EIF3D: variants seen among roughly 807,000 people sequenced by gnomAD.
EIF3D encodes eukaryotic translation initiation factor 3 subunit D.
EIF3D carries 10 observed loss-of-function variants against 75.4 expected under a neutral mutation model. That is an observed-to-expected ratio of 0.13 (90% CI 0.08 to 0.22). The LOEUF (loss-of-function observed/expected upper bound fraction) is 0.22, where lower values mean the gene tolerates loss of function less well. Among genes scored for constraint, EIF3D ranks in the 10% least tolerant of loss-of-function variants. The pLI, the probability that EIF3D is intolerant of heterozygous loss-of-function variation, is 1.00. For missense variants in EIF3D, 394 were observed against 708.0 expected, an observed-to-expected ratio of 0.56 and a Z score of 5.03; for synonymous variants, 246 against 248.3, an observed-to-expected ratio of 0.99 and a Z score of 0.09.
rs532350822 is a variant in EIF3D, at chr22:36,519,789, C to T, written c.579-252G>A. 7.2e-5 allele frequency among the ~76,000 whole-genome samples: 11 copies of T among 152,304 alleles called. No individual in the cohort carries two copies. In the South Asian group the frequency reaches 2.3e-3, roughly 32 times the overall value. On this transcript the variant is annotated intron_variant, in intron 7 of 14. Transcript: ENST00000216190. The stretch of plus-strand genomic sequence containing the variant: ...AAAGGTAGGGTGACCGAGGCTAAGA[C>T]AGGAGATGACTAGTTATAGAAGCAC...
rs752099544 is a variant in EIF3D, at chr22:36,511,531, TTCC to T, written c.1602_1604del (p.Glu547del). 2.6e-4 allele frequency: 416 copies of T among 1,613,902 alleles called. No individual in the cohort carries two copies. Among genetic ancestry groups the T allele is most frequent in the South Asian group, 3.2e-4 (29 of 91,048 alleles). On this transcript the variant is annotated inframe_deletion, in exon 14 of 15. Coordinates refer to ENST00000216190, the MANE Select transcript of EIF3D (RefSeq NM_003753.4). Reference sequence around the variant, plus strand: ...CTTCTTCCTCTTCTTCCTCCTCCTCTTCCTCCTCATCTTCATCAGAGCTGAAGG... The same window carrying T: ...CTTCTTCCTCTTCTTCCTCCTCCTCTTCCTCATCTTCATCAGAGCTGAAGG...
At chr22:36,512,764 T>C in intron 12 of EIF3D, 162 bp from the exon 13 acceptor site, 1 of 759,832 alleles carries the variant, frequency 1.3e-6, no homozygotes. Context: ...GTCCCTTCCC[T>C]TGCACAGCCT....
intron 6 of EIF3D, among the ~76,000 whole-genome samples, chr22:36,521,533 A>G (rs1488833763): frequency 6.6e-6 from 1 of 152,240 alleles, no homozygotes; most frequent in East Asian, 1.9e-4. Context: ...AATAATAGTC[A>G]AAAAGTGAAA....
At chr22:36,521,507 C>T (rs1421868375) in intron 6 of EIF3D, among the ~76,000 whole-genome samples, 2 of 152,166 alleles carry the variant, frequency 1.3e-5, no homozygotes, top group Non-Finnish European at 2.9e-5. Flanking sequence ...CGCAGGTGAA[C>T]GTTCACAGCA....
At chr22:36,524,825 T>C in intron 3 of EIF3D, 93 bp from the exon 4 acceptor site, 3 of 1,535,142 alleles carry the variant, frequency 2.0e-6, no homozygotes, top group Non-Finnish European at 2.7e-6. Flanking sequence ...AGTGTGGTCT[T>C]GAGACCTGTA....
At chr22:36,515,355 C>T (rs891021384) in intron 12 of EIF3D, among the ~76,000 whole-genome samples, 2 of 152,048 alleles carry the variant, frequency 1.3e-5, no homozygotes, top group Admixed American at 1.3e-4. Flanking sequence ...ATGGAGAAAC[C>T]CCATCTCTAC....
rs960524678 is a variant in EIF3D at position 36,512,690 on chromosome 22, G to C, written c.1207-88C>G. 9.6e-6 allele frequency: 14 copies of C among 1,464,008 alleles called. No individual in the cohort carries two copies. The African/African-American group carries it at 2.0e-4, about 21-fold the overall frequency. 90.7% of individuals were successfully genotyped at this position (1,464,008 alleles called of 1,614,324 possible). ...CCTCTGGCAGAGAAGGAACTCCCTAGTCTGCTTGCTTAGAAAGTGGGTAGG... is the reference window on the plus strand; with the variant it reads ...CCTCTGGCAGAGAAGGAACTCCCTACTCTGCTTGCTTAGAAAGTGGGTAGG... On this transcript the variant is annotated intron_variant, in intron 12 of 14. Coordinates refer to ENST00000216190, the MANE Select transcript of EIF3D (RefSeq NM_003753.4).
chr22:36,519,767 G>T (rs1221314060), intron 7 of EIF3D, among the ~76,000 whole-genome samples: 2 of 152,128 alleles, frequency 1.3e-5, no homozygotes, highest in East Asian at 3.8e-4. Context: ...CCATTTTAAA[G>T]GTAGGGTGAC....
chr22:36,523,325 G>A, intron 5 of EIF3D, 44 bp from the exon 6 acceptor site: 1 of 1,510,714 alleles, frequency 6.6e-7, no homozygotes, highest in Non-Finnish European at 9.1e-7. Flanking sequence ...CTTTAAACCA[G>A]TGGCTTCTTC....
chr22:36,512,874 C>G, intron 12 of EIF3D: 1 of 404,188 alleles, frequency 2.5e-6, no homozygotes, highest in Non-Finnish European at 4.6e-6. Flanking sequence ...CACACACACA[C>G]ACACACTTTA....
chr22:36,525,785 G>A lies in EIF3D; in HGVS notation c.124-76C>T, dbSNP rs146842617. 1.0e-4 allele frequency: 164 copies of A among 1,565,002 alleles called. 1 individual carries two copies. In the East Asian group the frequency reaches 2.3e-3, roughly 22 times the overall value. ...TCTGCAGAACCAGAAATCCCTGAGC[G>A]CGAGAGGACAGCGTGGAAGAGTCTC... On this transcript the variant is annotated intron_variant, in intron 2 of 14. Transcript: ENST00000216190.
intron 1 of EIF3D, among the ~76,000 whole-genome samples, chr22:36,527,765 C>A (rs1161353004): frequency 6.6e-6 from 1 of 152,118 alleles, no homozygotes; most frequent in Non-Finnish European, 1.5e-5. Flanking sequence ...CAAGATCCTG[C>A]CATTACACTC....
rs376609190 is a variant in EIF3D, at chr22:36,510,987, T to C, written c.1647A>G (p.Ter549=). 8 of 1,608,018 alleles carry C rather than the reference T, an allele frequency of 5.0e-6. No individual in the cohort carries two copies. In the African/African-American group the frequency reaches 1.1e-4, roughly 22 times the overall value. The part of the protein sequence containing the change: ...EEEEEEEEET[*] ...CAAACTCCAGCTCCACATCACTGGT[T>C]TAAGTTTCTTCCTCTGAAAGACACA... Residue 549 remains the stop codon, a stop_retained_variant, in exon 15 of 15, where the codon TAA becomes TAG. Transcript: ENST00000216190.
At chr22:36,527,518 G>T (rs189640325) in intron 1 of EIF3D, among the ~76,000 whole-genome samples, 1 of 152,166 alleles carries the variant, frequency 6.6e-6, no homozygotes, top group Non-Finnish European at 1.5e-5. Context: ...CTTAGAAGGC[G>T]AGTTCCTAGA....
chr22:36,512,407 C>T lies in EIF3D; in HGVS notation c.1349+53G>A, dbSNP rs137963320. 2.5e-6 allele frequency: 4 copies of T among 1,608,100 alleles called. No individual in the cohort carries two copies. In the African/African-American group the frequency reaches 5.3e-5, roughly 21 times the overall value. On this transcript the variant is annotated intron_variant, in intron 13 of 14. Transcript: ENST00000216190. Reference sequence around the variant, plus strand: ...GGGAGGGGAGGGTCAACCTCCCTACCCAGACCCTTCCTTTCACAAGATCAG... The same window carrying T: ...GGGAGGGGAGGGTCAACCTCCCTACTCAGACCCTTCCTTTCACAAGATCAG...
At chr22:36,526,313 A>T (rs1934598670) in intron 1 of EIF3D, among the ~76,000 whole-genome samples, 182 bp from the exon 2 acceptor site, 1 of 152,218 alleles carries the variant, frequency 6.6e-6, no homozygotes, top group African/African-American at 2.4e-5. Flanking sequence ...TATGTACTTA[A>T]AACTGAGAAG....
intron 8 of EIF3D, 64 bp from the exon 9 acceptor site, chr22:36,518,974 G>T (rs141363589): frequency 5.7e-6 from 9 of 1,587,870 alleles, no homozygotes; most frequent in Non-Finnish European, 7.7e-6. Context: ...CCACTCACAT[G>T]GATGGGAAAG....
In EIF3D at chr22:36,527,800, C is replaced by T. The variant is rs373665177; in HGVS notation, c.-11+1276G>A. ...CCAGCCTGGGCAACAGAGCAAGACT[C>T]CGTCTCAAAAAAACAAAAATCAAAT... On this transcript the variant is annotated intron_variant, in intron 1 of 14. Coordinates refer to ENST00000216190, the MANE Select transcript of EIF3D (RefSeq NM_003753.4). Among the ~76,000 whole-genome samples, 3 of 152,170 alleles carry T rather than the reference C, an allele frequency of 2.0e-5. No individual in the cohort carries two copies. In the East Asian group the frequency reaches 5.8e-4, roughly 29 times the overall value.
At position 36,518,908 on chromosome 22, in the gene EIF3D, C is replaced by T. The variant is rs753931843; in HGVS notation, c.714G>A (p.Leu238=). 1.2e-5 allele frequency: 19 copies of T among 1,613,896 alleles called. No homozygotes were observed. In the African/African-American group the frequency reaches 2.5e-4, roughly 22 times the overall value. The change falls in exon 9 of 15, where the codon CTG becomes CTA. Residue 238 remains leucine (L), a splice_region_variant and synonymous_variant. Transcript: ENST00000216190. The part of the protein sequence containing the change: ...TTTDDPVIRK[L]AKTQGNVFAT... ...CAAACACATTCCCCTGAGTTTTTGC[C>T]AGCTGCAAAGAGGATCAAAGAGAGA... is the stretch of plus-strand genomic sequence containing the variant.
Sources: allele counts gnomAD v4.1 joint callset (sites outside exome capture counted in the v4.1 genomes callset), GRCh38; gene constraint gnomAD v4.1.1; transcripts MANE v1.5; gene names NCBI Gene and HGNC (gene_info 2026-07-23, HGNC 2026-07-21).